MEIOC: variants seen among roughly 807,000 people sequenced by gnomAD.
MEIOC encodes meiosis-specific coiled-coil domain-containing protein MEIOC.
In MEIOC, 9 loss-of-function variants were observed where a neutral mutation model predicts 85.3. The observed-to-expected ratio is 0.11, with a 90% CI of 0.06 to 0.18. MEIOC has a LOEUF of 0.18. MEIOC is among the 10% of genes least tolerant of loss of function. The pLI is 1.00. For missense variants in MEIOC, 898 were observed against 1,129.4 expected (o/e 0.80, Z 2.94); for synonymous variants, 365 against 393.7 (o/e 0.93, Z 0.86).
rs185324022 is a variant in MEIOC, at chr17:44,660,815, C to T, written c.205-1502C>T. The stretch of plus-strand genomic sequence containing the variant: ...CATTAAAATCTTAAAACCCAAGGCC[C>T]GGCAAAGTGACTCACACCTGTAATC... On this transcript the variant is annotated intron_variant, in intron 2 of 7. Coordinates refer to ENST00000409122, the MANE Select transcript of MEIOC (RefSeq NM_001145080.3). Among the ~76,000 whole-genome samples, 864 of 151,988 alleles carry T rather than the reference C, an allele frequency of 5.7e-3. 7 individuals carry two copies. Among genetic ancestry groups the T allele is most frequent in the Middle Eastern group, 0.02 (6 of 294 alleles).
chr17:44,658,099 G>A (rs1270480016), intron 2 of MEIOC, among the ~76,000 whole-genome samples: 5 of 146,664 alleles, frequency 3.4e-5, no homozygotes, highest in African/African-American at 7.6e-5. Flanking sequence ...CCATCCTCCC[G>A]CCTCGGCCTC....
chr17:44,665,228 A>G, intron 3 of MEIOC, 156 bp from the exon 4 acceptor site: 1 of 944,164 alleles, frequency 1.1e-6, no homozygotes, highest in Non-Finnish European at 1.4e-6. Flanking sequence ...ATATTTATGT[A>G]GAAAAGAAAA....
At chr17:44,656,788 C>A in intron 1 of MEIOC, 106 bp downstream of exon 1, 3 of 214,658 alleles carry the variant, frequency 1.4e-5, no homozygotes, top group Non-Finnish European at 2.1e-5. Context: ...GCGGCAGAGG[C>A]GGGTCGTCGG....
Position 44,667,337 on chromosome 17 carries a change from C to A in MEIOC, c.1426C>A (p.Pro476Thr). ...TSSGGINLNR[P>T]TWMNVQTKNN... ...TTCAGGAGGTATCAATTTAAACAGA[C>A]CAACTTGGATGAATGTTCAAACAAA... is the stretch of plus-strand genomic sequence containing the variant. Residue 476 changes from proline to threonine, a missense_variant, in exon 5 of 8, where the codon CCA becomes ACA. Pro to Thr is a conservative substitution (Grantham distance 38). This residue lies in a region of MEIOC where 734 missense variants were observed against 860.1 expected (regional missense o/e 0.85). Transcript: ENST00000409122. 1 of 1,613,796 alleles carries A rather than the reference C, an allele frequency of 6.2e-7. No homozygotes were observed. Among genetic ancestry groups the A allele is most frequent in the Non-Finnish European group, 8.5e-7 (1 of 1,179,818 alleles).
intron 2 of MEIOC, among the ~76,000 whole-genome samples, chr17:44,657,689 G>A (rs949161950): frequency 2.0e-5 from 3 of 151,574 alleles, no homozygotes; most frequent in African/African-American, 7.3e-5. Context: ...GAGTAGCTGG[G>A]ATTACAGGCA....
intron 2 of MEIOC, among the ~76,000 whole-genome samples, chr17:44,661,450 T>C (rs1377690973): frequency 2.0e-5 from 3 of 152,102 alleles, no homozygotes; most frequent in Non-Finnish European, 2.9e-5. Context: ...TGTCACAAGG[T>C]TTACTGGATA....
At chr17:44,663,262 A>G (rs1451351492) in intron 3 of MEIOC, among the ~76,000 whole-genome samples, 5 of 127,818 alleles carry the variant, frequency 3.9e-5, no homozygotes, top group Admixed American at 2.7e-4. Flanking sequence ...CCTTGCCTTT[A>G]TAATCTTGAT....
chr17:44,670,518 A>G (rs1971988240), intron 6 of MEIOC: 2 of 109,810 alleles, frequency 1.8e-5, no homozygotes, highest in Non-Finnish European at 4.0e-5. Context: ...TGGTAACTTA[A>G]TAGGGAATTA....
intron 2 of MEIOC, among the ~76,000 whole-genome samples, chr17:44,658,616 G>A (rs1175510207): frequency 2.0e-4 from 31 of 151,506 alleles, no homozygotes; most frequent in African/African-American, 5.8e-4. Context: ...CCAACATGGC[G>A]AAACCCCATC....
At position 44,657,278 on chromosome 17, in the gene MEIOC, T is replaced by A. The variant is rs966587615; in HGVS notation, c.204+17T>A. 9.7e-6 allele frequency: 15 copies of A among 1,547,978 alleles called. No homozygotes were observed. In the African/African-American group the frequency reaches 1.8e-4, roughly 18 times the overall value. ...ACATCGCAGGTCCTTTAGTAAACTCTGCCTCTGTTAGACGATTTATTCTCA... is the reference window on the plus strand; with the variant it reads ...ACATCGCAGGTCCTTTAGTAAACTCAGCCTCTGTTAGACGATTTATTCTCA... On this transcript the variant is annotated intron_variant, in intron 2 of 7. Coordinates refer to ENST00000409122, the MANE Select transcript of MEIOC (RefSeq NM_001145080.3).
chr17:44,663,524 T>C (rs2144662353), intron 3 of MEIOC, among the ~76,000 whole-genome samples: 1 of 152,262 alleles, frequency 6.6e-6, no homozygotes, highest in South Asian at 2.1e-4. Context: ...AATACATAAT[T>C]CTACAAAAAA....
chr17:44,664,257 G>A (rs996325694), intron 3 of MEIOC, among the ~76,000 whole-genome samples: 1 of 152,134 alleles, frequency 6.6e-6, no homozygotes, highest in African/African-American at 2.4e-5. Flanking sequence ...AGCTACTTGG[G>A]AGGCTGAGGC....
downstream of MEIOC, chr17:44,677,029 C>G: frequency 3.6e-6 from 3 of 842,132 alleles, no homozygotes; most frequent in Non-Finnish European, 4.3e-6. Flanking sequence ...CAAATTGAAA[C>G]AAGTACCCTT....
In MEIOC at chr17:44,667,239, A is replaced by T; in HGVS notation, c.1328A>T (p.Gln443Leu). The T allele has an allele frequency of 6.2e-7, 1 of 1,613,866 alleles. No homozygotes were observed. Among genetic ancestry groups the T allele is most frequent in the Non-Finnish European group, 8.5e-7 (1 of 1,179,876 alleles). ...NDFANVTEKQ[Q>L]FAKPDPPHSE... is the part of the protein sequence containing the mutation. ...TTTGCTAACGTCACAGAAAAGCAAC[A>T]GTTTGCTAAACCTGATCCCCCACAT... Residue 443 changes from glutamine to leucine, a missense_variant, in exon 5 of 8, where the codon CAG (glutamine) becomes CTG (leucine). Coordinates refer to ENST00000409122, the MANE Select transcript of MEIOC (RefSeq NM_001145080.3).
chr17:44,667,177 T>C lies in MEIOC; in HGVS notation c.1266T>C (p.Tyr422=), dbSNP rs1238929340. Residue 422 remains tyrosine (Y), a synonymous_variant, in exon 5 of 8, where the codon TAT becomes TAC. Transcript: ENST00000409122. ...CTGATTTTGGCTTAACATCAGAATA[T>C]GGACTAAAACCTCACACAGCTTGTC... The part of the protein sequence containing the change: ...FTADFGLTSE[Y]GLKPHTACPA... 1.9e-6 allele frequency: 3 copies of C among 1,613,798 alleles called. No individual in the cohort carries two copies. Among genetic ancestry groups the C allele is most frequent in the East Asian group, 2.2e-5 (1 of 44,890 alleles).
At position 44,656,549 on chromosome 17, in the gene MEIOC, G is replaced by GC. The variant is rs903997224; in HGVS notation, c.-57dup. ...CGGGCTGAGGGAGCCGGGCCTGGAC[G>GC]CCCCCCCCATCACCCCCGTACCCCA... On this transcript the variant is annotated 5_prime_UTR_variant, in exon 1 of 8. Transcript: ENST00000409122. The GC allele has an allele frequency of 3.9e-4, 484 of 1,247,238 alleles. 1 individual carries two copies. The highest frequency in any genetic ancestry group is 1.4e-3 in the East Asian group (43 of 31,538). The allele number at this position is 1,247,238 out of a possible 1,614,324, so 77.3% of individuals were successfully genotyped here.
intron 7 of MEIOC, 54 bp from the exon 8 acceptor site, chr17:44,673,922 A>G: frequency 6.6e-7 from 1 of 1,526,652 alleles, no homozygotes; most frequent in Non-Finnish European, 8.9e-7. Flanking sequence ...GTAAGATTTA[A>G]CAGATATTTA....
At chr17:44,673,113 A>G (rs1163346446) in intron 6 of MEIOC, 3 of 377,200 alleles carry the variant, frequency 8.0e-6, no homozygotes, top group Non-Finnish European at 1.4e-5. Flanking sequence ...TAATGTTTGA[A>G]TATTTAACAT....
chr17:44,675,448 C>A lies in MEIOC; in HGVS notation c.*1252C>A, dbSNP rs1972062547. The A allele has an allele frequency of 1.0e-6, 1 of 969,172 alleles. No homozygotes were observed. The highest frequency in any genetic ancestry group is 1.2e-6 in the Non-Finnish European group (1 of 815,526). The allele number at this position is 969,172 out of a possible 1,614,324, so 60.0% of individuals were successfully genotyped here. ...TACTGATGAAATTTAATTGAAATATCCTTGACTAGAAACACTGATGTTTTA... is the reference window on the plus strand; with the variant it reads ...TACTGATGAAATTTAATTGAAATATACTTGACTAGAAACACTGATGTTTTA... On this transcript the variant is annotated 3_prime_UTR_variant, in exon 8 of 8. Transcript: ENST00000409122.
Sources: gnomAD v4.1 joint callset for allele counts (sites outside exome capture counted in the v4.1 genomes callset) on GRCh38, gnomAD v4.1.1 for gene constraint, gnomAD v4.1.1 regional missense constraint, MANE v1.5 for transcripts, NCBI Gene and HGNC (gene_info 2026-07-23, HGNC 2026-07-21) for gene names.